ZNF83: variants seen among roughly 807,000 people sequenced by gnomAD.
The protein encoded by ZNF83 is zinc finger protein 816B.
For synonymous variants in ZNF83, 209 were observed against 213.0 expected (o/e 0.98, Z 0.17); for missense variants, 552 against 629.9 (o/e 0.88, Z 1.32).
At chr19:52,666,909 G>A (rs969815725) in intron 1 of ZNF83, among the ~76,000 whole-genome samples, 14 of 152,322 alleles carry the variant, frequency 9.2e-5, no homozygotes, top group Admixed American at 5.9e-4. Flanking sequence ...TCTTGCAGAA[G>A]CAGAGTTAGG....
exon 3 of ZNF83, chr19:52,613,535 G>T (rs1221971280): frequency 6.2e-7 from 1 of 1,614,020 alleles, no homozygotes; most frequent in South Asian, 1.1e-5. Context: ...CATTTGTAAG[G>T]TTTCTCTCCA....
intron 2 of ZNF83, among the ~76,000 whole-genome samples, chr19:52,656,942 C>T (rs1220850469): frequency 6.6e-6 from 1 of 151,672 alleles, no homozygotes; most frequent in Non-Finnish European, 1.5e-5. Context: ...CACCTACACA[C>T]ACTTCAATTA....
At chr19:52,648,676 G>A (rs2061405802) in intron 3 of ZNF83, among the ~76,000 whole-genome samples, 1 of 152,120 alleles carries the variant, frequency 6.6e-6, no homozygotes, top group African/African-American at 2.4e-5. Flanking sequence ...AAAGTTGCAG[G>A]TGTTGTGCCT....
chr19:52,655,550 AT>A, intron 3 of ZNF83: 1 of 1,485,082 alleles, frequency 6.7e-7, no homozygotes. Context: ...CAGGAGGGAC[AT>A]TTTCCTCACC....
At position 52,613,823 on chromosome 19, in the gene ZNF83, G is replaced by T. The variant is rs144646412; in HGVS notation, c.742C>A (p.Leu248Ile). The T allele has an allele frequency of 1.6e-5, 26 of 1,613,932 alleles. No individual in the cohort carries two copies. In the African/African-American group the frequency reaches 3.2e-4, roughly 20 times the overall value. The change falls in exon 3 of 3, where the codon CTT (leucine) becomes ATT (isoleucine). Residue 248 changes from leucine (L) to isoleucine (I), a missense_variant. Coordinates refer to ENST00000301096, the Ensembl canonical transcript of ZNF83. Reference sequence around the variant, plus strand: ...GTATGAATGATCAGATGTTGTACAAGGTAGGAATTGCGACTGAACACCTTG... The same window carrying T: ...GTATGAATGATCAGATGTTGTACAATGTAGGAATTGCGACTGAACACCTTG...
intron 3 of ZNF83, among the ~76,000 whole-genome samples, chr19:52,644,054 G>A (rs2061342089): frequency 6.6e-6 from 1 of 152,174 alleles, no homozygotes; most frequent in Non-Finnish European, 1.5e-5. Flanking sequence ...CGGGAAGCTG[G>A]TGGAGGGTTC....
intron 2 of ZNF83, among the ~76,000 whole-genome samples, chr19:52,623,433 A>G (rs2060621332): frequency 6.6e-6 from 1 of 152,088 alleles, no homozygotes; most frequent in Non-Finnish European, 1.5e-5. Flanking sequence ...AAACTTCCCA[A>G]TTTGGTGCCA....
chr19:52,676,457 G>A (rs944022638), intron 1 of ZNF83, among the ~76,000 whole-genome samples: 4 of 152,102 alleles, frequency 2.6e-5, no homozygotes, highest in Admixed American at 2.0e-4. Context: ...TGGGATGTGA[G>A]GAGCCTGCCC....
At chr19:52,653,143 T>C in intron 3 of ZNF83, 1 of 1,472,284 alleles carries the variant, frequency 6.8e-7, no homozygotes, top group Non-Finnish European at 9.5e-7. Context: ...CTCATGACAG[T>C]TGTAAGGTTT....
At chr19:52,622,147 C>T (rs2060573270) in intron 2 of ZNF83, among the ~76,000 whole-genome samples, 1 of 152,064 alleles carries the variant, frequency 6.6e-6, no homozygotes. Context: ...CCTCCCCACA[C>T]CCAGTTCGGC....
chr19:52,688,755 T>A (rs1252862497), intron 1 of ZNF83, among the ~76,000 whole-genome samples: 1 of 152,122 alleles, frequency 6.6e-6, no homozygotes, highest in Non-Finnish European at 1.5e-5. Context: ...AAGTACTGCA[T>A]TTATTCACTC....
At chr19:52,646,003 G>A (rs570903484) in intron 3 of ZNF83, among the ~76,000 whole-genome samples, 3 of 152,024 alleles carry the variant, frequency 2.0e-5, no homozygotes, top group Non-Finnish European at 4.4e-5. Context: ...GCAGTGGCAT[G>A]ATTTCGGCTC....
At chr19:52,613,989 A>C in exon 3 of ZNF83, 1 of 1,613,370 alleles carries the variant, frequency 6.2e-7, no homozygotes, top group Non-Finnish European at 8.5e-7. Context: ...GATGTTGTGC[A>C]AGGTGTGAAA....
intron 1 of ZNF83, among the ~76,000 whole-genome samples, chr19:52,683,439 G>A (rs12981621): frequency 0.28 from 41,637 of 148,674 alleles, 6,680 homozygotes; most frequent in African/African-American, 0.44. Context: ...CAGCTCCTCC[G>A]GAACAGAACT....
chr19:52,616,207 C>T (rs2060299371), intron 2 of ZNF83, among the ~76,000 whole-genome samples: 1 of 152,216 alleles, frequency 6.6e-6, no homozygotes, highest in Non-Finnish European at 1.5e-5. Flanking sequence ...CGTCTACCAA[C>T]ACCAACTTGC....
intron 1 of ZNF83, among the ~76,000 whole-genome samples, chr19:52,664,202 T>A (rs57508074): frequency 0.35 from 49,286 of 142,308 alleles, 8,545 homozygotes; most frequent in East Asian, 0.56. Flanking sequence ...TTTTTTTTTT[T>A]AATTAAGAAC....
chr19:52,678,782 T>C (rs1600268962), intron 1 of ZNF83, among the ~76,000 whole-genome samples: 1 of 152,080 alleles, frequency 6.6e-6, no homozygotes, highest in East Asian at 1.9e-4. Context: ...AAGACCAGCC[T>C]GGCCAACATA....
chr19:52,621,284 C>G (rs968944847), intron 2 of ZNF83, among the ~76,000 whole-genome samples: 2 of 152,108 alleles, frequency 1.3e-5, no homozygotes, highest in Non-Finnish European at 2.9e-5. Context: ...AACTTTGTCA[C>G]TATCCCTCAT....
At chr19:52,640,222 A>T (rs940544683), upstream of ZNF83, among the ~76,000 whole-genome samples, 1 of 152,208 alleles carries the variant, frequency 6.6e-6, no homozygotes, top group African/African-American at 2.4e-5. Flanking sequence ...AGAATGTAAG[A>T]TTAAGTACTG....
Sources: gnomAD v4.1 joint callset for allele counts (sites outside exome capture counted in the v4.1 genomes callset) on GRCh38, gnomAD v4.1.1 for gene constraint, MANE v1.5 for transcripts, NCBI Gene and HGNC (gene_info 2026-07-23, HGNC 2026-07-21) for gene names.